Variants in CFAP92 observed in about 807,000 individuals in gnomAD.
CFAP92 encodes cilia and flagella associated protein 92 (putative).
In CFAP92, 86 loss-of-function variants were observed where a neutral mutation model predicts 106.3. The observed-to-expected ratio is 0.81, with a 90% CI of 0.68 to 0.97. CFAP92 has a LOEUF of 0.97. CFAP92 is among the 50% of genes least tolerant of loss of function. The probability of loss-of-function intolerance (pLI) is 0.00; values close to 1 mark genes in which losing one functional copy is unlikely to be tolerated. For missense variants in CFAP92, 1,204 were observed against 1,283.8 expected, an observed-to-expected ratio of 0.94 and a Z score of 0.95; for synonymous variants, 477 against 506.4, an observed-to-expected ratio of 0.94 and a Z score of 0.78.
intron 9 of CFAP92, among the ~76,000 whole-genome samples, chr3:128,959,125 G>A (rs560583489): frequency 1.2e-4 from 18 of 152,162 alleles, no homozygotes; most frequent in African/African-American, 2.6e-4. Context: ...CAGAAGAATC[G>A]CTTGAACCCA....
intron 15 of CFAP92, among the ~76,000 whole-genome samples, chr3:128,910,970 A>C (rs1936233756): frequency 6.6e-6 from 1 of 152,222 alleles, no homozygotes; most frequent in Middle Eastern, 3.2e-3. Context: ...GCTTAGCTGC[A>C]GCAGTGCCCA....
At chr3:128,934,126 C>G (rs974324517) in intron 11 of CFAP92, among the ~76,000 whole-genome samples, 1 of 125,236 alleles carries the variant, frequency 8.0e-6, no homozygotes, top group Non-Finnish European at 1.6e-5. Flanking sequence ...GGGTATCCCA[C>G]TGCCTGTGTT....
rs1474737420 is a variant in CFAP92, at chr3:128,963,845, A to C, written c.1353+1666T>G. 4.0e-4 allele frequency among the ~76,000 whole-genome samples: 60 copies of C among 150,590 alleles called. 1 individual carries two copies. Among genetic ancestry groups the C allele is most frequent in the Admixed American group, 3.3e-4 (5 of 15,086 alleles). On this transcript the variant is annotated intron_variant, in intron 9 of 15. Transcript: ENST00000645291. ...GCTATTCTACTACTCCTCAGGGATT[A>C]TTCAGGCCCCCTCCCTTCCCTACAC...
At chr3:128,916,408 T>G in intron 12 of CFAP92, 137 bp from the exon 13 acceptor site, 1 of 593,498 alleles carries the variant, frequency 1.7e-6, no homozygotes, top group Non-Finnish European at 2.5e-6. Flanking sequence ...GTGCTGTTAT[T>G]TCATCATAGA....
At chr3:128,931,356 C>T (rs114214333) in intron 12 of CFAP92, among the ~76,000 whole-genome samples, 1,513 of 150,538 alleles carry the variant, frequency 0.01, 25 homozygotes, top group African/African-American at 0.035. Flanking sequence ...TCTGTAGAGA[C>T]GGTTTCGCCA....
At chr3:128,935,524 G>A (rs902833415) in intron 10 of CFAP92, among the ~76,000 whole-genome samples, 43 of 152,058 alleles carry the variant, frequency 2.8e-4, no homozygotes, top group Non-Finnish European at 4.4e-4. Flanking sequence ...CCAGCCTGAC[G>A]AACATGGAGA....
the CFAP92 span, among the ~76,000 whole-genome samples, chr3:129,021,637 G>A: frequency 2.0e-5 from 3 of 152,240 alleles, no homozygotes; most frequent in Admixed American, 6.5e-5. Context: ...GAGTCTGCGC[G>A]GGTATCTGTC....
chr3:128,962,509 C>G (rs550583799), intron 9 of CFAP92, among the ~76,000 whole-genome samples: 6 of 152,294 alleles, frequency 3.9e-5, no homozygotes, highest in African/African-American at 1.4e-4. Flanking sequence ...TATTCCTGGA[C>G]TACAGCTGCA....
At chr3:128,922,342 C>CA (rs71618174) in intron 12 of CFAP92, among the ~76,000 whole-genome samples, 2,615 of 137,250 alleles carry the variant, frequency 0.019, 43 homozygotes, top group African/African-American at 0.04. Context: ...GGCTCCATCT[C>CA]AAAAAAAAAA....
At chr3:128,934,063 T>G (rs1010865184) in intron 11 of CFAP92, among the ~76,000 whole-genome samples, 2 of 152,188 alleles carry the variant, frequency 1.3e-5, no homozygotes, top group Admixed American at 6.5e-5. Flanking sequence ...CAGCAGCCTC[T>G]CCTGCCCTGG....
At chr3:128,997,929 T>G (rs1425089519), upstream of CFAP92, among the ~76,000 whole-genome samples, 1 of 152,278 alleles carries the variant, frequency 6.6e-6, no homozygotes, top group Admixed American at 6.5e-5. Flanking sequence ...ATCAACAACA[T>G]GAAGTTTCCT....
the CFAP92 span, among the ~76,000 whole-genome samples, chr3:129,013,649 A>G: frequency 1.3e-5 from 2 of 151,980 alleles, no homozygotes; most frequent in Admixed American, 6.5e-5. Context: ...GGAACCAGTC[A>G]CTGGTACCAG....
intron 10 of CFAP92, among the ~76,000 whole-genome samples, chr3:128,943,044 T>C (rs1331342770): frequency 1.3e-5 from 2 of 148,288 alleles, no homozygotes; most frequent in East Asian, 2.1e-4. Context: ...CTCAGCCTCC[T>C]GAGTAGCTGG....
In CFAP92 at chr3:128,934,243, T is replaced by C. The variant is rs1010252760; in HGVS notation, c.2453+882A>G. Among the ~76,000 whole-genome samples the C allele has an allele frequency of 6.6e-5, 10 of 152,318 alleles. No individual in the cohort carries two copies. In the South Asian group the frequency reaches 1.9e-3, roughly 28 times the overall value. ...AGCCAGCAGCTGCTCAATGAGGGAATGGTGAGACCCTGGTTGCCCAGGCTG... is the reference window on the plus strand; with the variant it reads ...AGCCAGCAGCTGCTCAATGAGGGAACGGTGAGACCCTGGTTGCCCAGGCTG... On this transcript the variant is annotated intron_variant, in intron 11 of 15. Coordinates refer to ENST00000645291, the MANE Select transcript of CFAP92 (RefSeq NM_001394090.1).
chr3:129,008,445 A>G, the CFAP92 span, among the ~76,000 whole-genome samples: 1 of 152,206 alleles, frequency 6.6e-6, no homozygotes, highest in African/African-American at 2.4e-5. Context: ...CAGCATTTCA[A>G]CATATTTGTA....
At chr3:128,930,861 G>C (rs2107702183) in intron 12 of CFAP92, among the ~76,000 whole-genome samples, 1 of 152,246 alleles carries the variant, frequency 6.6e-6, no homozygotes, top group East Asian at 1.9e-4. Context: ...TAAGAGGTAG[G>C]ATAAGGAAGA....
intron 9 of CFAP92, among the ~76,000 whole-genome samples, chr3:128,960,005 C>G (rs1158515368): frequency 6.6e-6 from 1 of 152,214 alleles, no homozygotes; most frequent in African/African-American, 2.4e-5. Flanking sequence ...CTCCCCCACC[C>G]TTAAGAAGGT....
intron 12 of CFAP92, among the ~76,000 whole-genome samples, chr3:128,930,388 T>C (rs1487714283): frequency 6.6e-6 from 1 of 152,062 alleles, no homozygotes; most frequent in African/African-American, 2.4e-5. Flanking sequence ...CCTGATTTCA[T>C]GATCCGCCTG....
At chr3:128,963,245 G>A (rs1304778228) in intron 9 of CFAP92, among the ~76,000 whole-genome samples, 4 of 152,146 alleles carry the variant, frequency 2.6e-5, no homozygotes, top group Admixed American at 2.0e-4. Flanking sequence ...GGCATGCTTA[G>A]TGCGGTCAGA....
Sources: allele counts gnomAD v4.1 joint callset (sites outside exome capture counted in the v4.1 genomes callset), GRCh38; gene constraint gnomAD v4.1.1; transcripts MANE v1.5; gene names NCBI Gene and HGNC (gene_info 2026-07-23, HGNC 2026-07-21).